The following CORO2A variants were observed in gnomAD, a reference collection of about 807,000 sequenced individuals.
CORO2A encodes the protein coronin 2A, also known as coronin-2A.
In CORO2A, 47 loss-of-function variants were observed where a neutral mutation model predicts 62.4. The ratio of observed to expected loss-of-function variants is 0.75; its 90% CI spans 0.60 to 0.96. The LOEUF is 0.96. Among genes scored for constraint, CORO2A ranks in the 40% least tolerant of loss-of-function variants. CORO2A has a pLI of 0.00. For missense variants in CORO2A, 610 were observed against 684.1 expected, an observed-to-expected ratio of 0.89 and a Z score of 1.21; for synonymous variants, 273 against 268.9, an observed-to-expected ratio of 1.02 and a Z score of -0.15.
chr9:98,167,236 T>G (rs140402837), intron 1 of CORO2A, among the ~76,000 whole-genome samples: 1 of 152,132 alleles, frequency 6.6e-6, no homozygotes, highest in Non-Finnish European at 1.5e-5. Context: ...ATTCCACTTA[T>G]ATGAGTTACT....
At chr9:98,135,315 G>A (rs1307429034) in intron 3 of CORO2A, among the ~76,000 whole-genome samples, 2 of 152,324 alleles carry the variant, frequency 1.3e-5, no homozygotes, top group East Asian at 3.9e-4. Context: ...AAAGTACAGT[G>A]TTCTTCTTGT....
At chr9:98,184,433 T>C (rs1353478670) in intron 1 of CORO2A, among the ~76,000 whole-genome samples, 1 of 152,196 alleles carries the variant, frequency 6.6e-6, no homozygotes, top group Non-Finnish European at 1.5e-5. Flanking sequence ...TTGCTATGTC[T>C]GCATGCTAGG....
At chr9:98,164,518 C>A (rs1314273019) in intron 1 of CORO2A, among the ~76,000 whole-genome samples, 1 of 152,196 alleles carries the variant, frequency 6.6e-6, no homozygotes, top group East Asian at 1.9e-4. Context: ...TCTGGGTAAC[C>A]ATTTCCCACA....
chr9:98,177,777 ATTATC>A (rs151042087), intron 1 of CORO2A, among the ~76,000 whole-genome samples: 1,668 of 151,554 alleles, frequency 0.011, 32 homozygotes, highest in African/African-American at 0.039. Flanking sequence ...CTCACACCCC[ATTATC>A]TTATATTATA....
intron 2 of CORO2A, among the ~76,000 whole-genome samples, chr9:98,154,330 T>C (rs1564209133): frequency 1.5e-5 from 1 of 68,430 alleles, no homozygotes; most frequent in Non-Finnish European, 2.8e-5. Context: ...TGTTTGTGTG[T>C]ATATATATAT....
rs575343616 is a variant in CORO2A, at chr9:98,134,876, C to T, written c.398G>A (p.Arg133His). ...GTGCCACTCCACCAGGCCTACTCTG[C>T]GCGCGTGGCCCACGAGTTCCTTCCT... Reference protein sequence around the residue: ...AYRKELVGHARRVGLVEWHPT... With the variant: ...AYRKELVGHAHRVGLVEWHPT... Residue 133 changes from arginine (R) to histidine (H), a missense_variant, in exon 4 of 12, where the codon CGC becomes CAC. Arg to His is a conservative substitution (Grantham distance 29). Transcript: ENST00000375077. 7.4e-6 allele frequency: 12 copies of T among 1,614,148 alleles called. No individual in the cohort carries two copies. Among genetic ancestry groups the T allele is most frequent in the Middle Eastern group, 1.6e-4 (1 of 6,062 alleles).
At chr9:98,166,559 C>T (rs1057009486) in intron 1 of CORO2A, among the ~76,000 whole-genome samples, 11 of 152,268 alleles carry the variant, frequency 7.2e-5, no homozygotes, top group African/African-American at 2.6e-4. Flanking sequence ...ATTTAGTGCA[C>T]TGTTGGTAGG....
intron 3 of CORO2A, among the ~76,000 whole-genome samples, chr9:98,136,283 A>C (rs1226352316): frequency 6.6e-6 from 1 of 152,246 alleles, no homozygotes; most frequent in East Asian, 1.9e-4. Context: ...CAATTCTCAC[A>C]GGACCTGATT....
At chr9:98,161,352 G>T (rs1051846059) in intron 1 of CORO2A, among the ~76,000 whole-genome samples, 6 of 152,074 alleles carry the variant, frequency 3.9e-5, no homozygotes, top group Admixed American at 2.0e-4. Context: ...TCAGGAGTTC[G>T]AGACCAGCCT....
intron 2 of CORO2A, among the ~76,000 whole-genome samples, chr9:98,148,344 AAT>A (rs1312692721): frequency 1.3e-5 from 2 of 150,482 alleles, no homozygotes; most frequent in Non-Finnish European, 3.0e-5. Flanking sequence ...TCAGTGAGCC[AAT>A]ATCATGCCAT....
At chr9:98,189,269 C>T (rs1210366644) in intron 1 of CORO2A, among the ~76,000 whole-genome samples, 1 of 152,296 alleles carries the variant, frequency 6.6e-6, no homozygotes, top group East Asian at 1.9e-4. Flanking sequence ...ACTCCTGGCC[C>T]TTTAGACCAG....
chr9:98,164,916 G>C (rs1827938187), intron 1 of CORO2A, among the ~76,000 whole-genome samples: 1 of 150,370 alleles, frequency 6.7e-6, no homozygotes, highest in Non-Finnish European at 1.5e-5. Flanking sequence ...TAGGCAAACA[G>C]GGATAAGTTG....
At chr9:98,169,116 C>T (rs1827999264) in intron 1 of CORO2A, among the ~76,000 whole-genome samples, 1 of 152,176 alleles carries the variant, frequency 6.6e-6, no homozygotes, top group African/African-American at 2.4e-5. Flanking sequence ...TGGGGCTTGA[C>T]CATCACCAGC....
At chr9:98,153,380 C>T (rs953720910) in intron 2 of CORO2A, among the ~76,000 whole-genome samples, 12 of 146,958 alleles carry the variant, frequency 8.2e-5, no homozygotes, top group Admixed American at 2.1e-4. Context: ...GGATTACAGG[C>T]GTAAGCCAGC....
intron 1 of CORO2A, among the ~76,000 whole-genome samples, chr9:98,161,497 C>A (rs1202837350): frequency 6.6e-6 from 1 of 152,050 alleles, no homozygotes; most frequent in Non-Finnish European, 1.5e-5. Flanking sequence ...GAGGTTGCAG[C>A]GAGCCAAGAT....
Position 98,192,588 on chromosome 9 carries a change from C to T in CORO2A, c.-30G>A, listed in dbSNP as rs1828318472. 1 of 150,986 alleles carries T rather than the reference C, an allele frequency of 6.6e-6. No homozygotes were observed. Among genetic ancestry groups the T allele is most frequent in the Non-Finnish European group, 1.5e-5 (1 of 67,608 alleles). The allele number at this position is 150,986 out of a possible 1,614,324, so 9.4% of individuals were successfully genotyped here. Reference sequence around the variant, plus strand: ...ATGACTGCCGCGCAGGTGGCGGTGGCGGCGGCGGCGTCCAGCTCCGGCTCC... The same window carrying T: ...ATGACTGCCGCGCAGGTGGCGGTGGTGGCGGCGGCGTCCAGCTCCGGCTCC... On this transcript the variant is annotated 5_prime_UTR_variant, in exon 1 of 12. Coordinates refer to ENST00000375077, the MANE Select transcript of CORO2A (RefSeq NM_052820.4).
chr9:98,125,868 C>T (rs748623206), intron 11 of CORO2A, among the ~76,000 whole-genome samples: 1 of 151,226 alleles, frequency 6.6e-6, no homozygotes, highest in African/African-American at 2.4e-5. Context: ...CAGGCACGCA[C>T]CACCATACCC....
chr9:98,175,943 T>C (rs1828104243), intron 1 of CORO2A, among the ~76,000 whole-genome samples: 1 of 152,252 alleles, frequency 6.6e-6, no homozygotes, highest in Non-Finnish European at 1.5e-5. Context: ...GTAACCTTTA[T>C]TGAGTACTCA....
At chr9:98,144,169 A>AC (rs1827610876) in intron 2 of CORO2A, among the ~76,000 whole-genome samples, 1 of 151,696 alleles carries the variant, frequency 6.6e-6, no homozygotes, top group Admixed American at 6.6e-5. Context: ...AGCCTGGGCA[A>AC]CAGAGTGAGA....
Sources: allele counts gnomAD v4.1 joint callset (sites outside exome capture counted in the v4.1 genomes callset), GRCh38; gene constraint gnomAD v4.1.1; transcripts MANE v1.5; gene names NCBI Gene and HGNC (gene_info 2026-07-23, HGNC 2026-07-21).